The following BNC2 variants were observed in gnomAD, a reference collection of about 807,000 sequenced individuals.
The protein encoded by BNC2 is basonuclin zinc finger protein 2.
In BNC2, 20 loss-of-function variants were observed where a neutral mutation model predicts 76.3. The observed-to-expected ratio is 0.26, with a 90% CI of 0.18 to 0.38. The LOEUF (loss-of-function observed/expected upper bound fraction) is 0.38. Ranked by LOEUF, BNC2 falls within the 10% of genes least tolerant of loss-of-function variation. The probability of loss-of-function intolerance (pLI) is 1.00; values close to 1 mark genes in which losing one functional copy is unlikely to be tolerated. For missense variants in BNC2, 1,382 were observed against 1,399.8 expected, an observed-to-expected ratio of 0.99 and a Z score of 0.20; for synonymous variants, 582 against 514.8, an observed-to-expected ratio of 1.13 and a Z score of -1.77.
intron 4 of BNC2, among the ~76,000 whole-genome samples, chr9:16,575,956 C>T (rs529807967): frequency 6.8e-4 from 104 of 152,324 alleles, no homozygotes; most frequent in African/African-American, 2.4e-3. Flanking sequence ...AGATACTGCA[C>T]CAGCTTCCGC....
At chr9:16,833,484 CAG>C (rs1168374614) in intron 1 of BNC2, among the ~76,000 whole-genome samples, 1 of 152,168 alleles carries the variant, frequency 6.6e-6, no homozygotes, top group African/African-American at 2.4e-5. Context: ...TCATTAGCCT[CAG>C]AGCAGTAATG....
At chr9:16,489,959 A>G (rs1222221980) in intron 5 of BNC2, among the ~76,000 whole-genome samples, 1 of 152,224 alleles carries the variant, frequency 6.6e-6, no homozygotes, top group Non-Finnish European at 1.5e-5. Context: ...CTTCTTACTT[A>G]ACAATACTGT....
intron 5 of BNC2, among the ~76,000 whole-genome samples, chr9:16,519,151 C>T (rs915962896): frequency 9.9e-5 from 15 of 152,152 alleles, no homozygotes; most frequent in Admixed American, 9.8e-4. Context: ...TAAAATATAA[C>T]CCAGTAGTGT....
chr9:16,850,828 T>C (rs1193147598), intron 1 of BNC2, among the ~76,000 whole-genome samples: 2 of 151,250 alleles, frequency 1.3e-5, no homozygotes, highest in Admixed American at 1.3e-4. Flanking sequence ...AAATCAAAAA[T>C]AGAATTATCT....
rs182535283 is a variant in BNC2, at chr9:16,523,278, T to C, written c.669+29252A>G. Reference sequence around the variant, plus strand: ...TGAAGTCAGGAGATGGAGACCATCCTGGCTAACACGATGAAACCCTGTCTC... The same window carrying C: ...TGAAGTCAGGAGATGGAGACCATCCCGGCTAACACGATGAAACCCTGTCTC... On this transcript the variant is annotated intron_variant, in intron 5 of 6. Coordinates refer to ENST00000380672, the MANE Select transcript of BNC2 (RefSeq NM_017637.6). Among the ~76,000 whole-genome samples the C allele has an allele frequency of 5.9e-5, 9 of 151,894 alleles. No homozygotes were observed. The East Asian group carries it at 1.6e-3, about 27-fold the overall frequency.
At chr9:16,794,737 A>G (rs181464793) in intron 1 of BNC2, among the ~76,000 whole-genome samples, 4 of 152,348 alleles carry the variant, frequency 2.6e-5, no homozygotes, top group African/African-American at 9.6e-5. Flanking sequence ...AAGCAAAATT[A>G]ACCATATTAG....
At chr9:16,431,492 G>T (rs755237132) in intron 6 of BNC2, 1 of 469,580 alleles carries the variant, frequency 2.1e-6, no homozygotes, top group Non-Finnish European at 4.4e-6. Flanking sequence ...CTCTTCCTAG[G>T]AAAGATTTCA....
At chr9:16,776,362 A>G (rs1171856098) in intron 1 of BNC2, among the ~76,000 whole-genome samples, 3 of 152,034 alleles carry the variant, frequency 2.0e-5, no homozygotes, top group African/African-American at 7.2e-5. Context: ...CTGGTCTCGA[A>G]CCTCTGAGCT....
At chr9:16,558,373 T>A (rs1248707048) in intron 4 of BNC2, among the ~76,000 whole-genome samples, 1 of 152,220 alleles carries the variant, frequency 6.6e-6, no homozygotes, top group Non-Finnish European at 1.5e-5. Context: ...ATGAAGAAGA[T>A]CTAGGCTGCA....
At chr9:16,502,368 T>A (rs12156570) in intron 5 of BNC2, among the ~76,000 whole-genome samples, 13,497 of 152,174 alleles carry the variant, frequency 0.089, 1,066 homozygotes, top group East Asian at 0.25. Context: ...AAGAAGTTTC[T>A]AAAAAGTTTT....
At chr9:16,487,350 A>G (rs1208689500) in intron 5 of BNC2, among the ~76,000 whole-genome samples, 2 of 152,176 alleles carry the variant, frequency 1.3e-5, no homozygotes, top group African/African-American at 2.4e-5. Flanking sequence ...ATACAACTGC[A>G]CTTAAAAAAT....
intron 6 of BNC2, among the ~76,000 whole-genome samples, chr9:16,425,449 T>G (rs1820786294): frequency 6.6e-6 from 1 of 152,180 alleles, no homozygotes; most frequent in South Asian, 2.1e-4. Flanking sequence ...CAGACAAAAT[T>G]GACAGTCTCA....
intron 3 of BNC2, among the ~76,000 whole-genome samples, chr9:16,592,690 A>T (rs1819965627): frequency 6.6e-6 from 1 of 152,162 alleles, no homozygotes; most frequent in South Asian, 2.1e-4. Context: ...CAAGCTGTTT[A>T]AAACAGGGAA....
intron 5 of BNC2, among the ~76,000 whole-genome samples, chr9:16,531,883 T>C (rs988400384): frequency 2.0e-5 from 3 of 152,112 alleles, no homozygotes; most frequent in South Asian, 2.1e-4. Context: ...AAGCTGCCAA[T>C]AGTAATATAG....
chr9:16,744,133 A>ATTTTTTTTTTTT (rs368807707), intron 1 of BNC2, among the ~76,000 whole-genome samples: 1 of 151,122 alleles, frequency 6.6e-6, no homozygotes, highest in African/African-American at 2.4e-5. Flanking sequence ...CGCCCGGCTA[A>ATTTTTTTTTTTT]TTTTTTTTTG....
At chr9:16,620,971 A>G (rs1820850708) in intron 3 of BNC2, among the ~76,000 whole-genome samples, 1 of 152,130 alleles carries the variant, frequency 6.6e-6, no homozygotes, top group African/African-American at 2.4e-5. Context: ...TCTCTCCTCT[A>G]TCCACAATGT....
intron 3 of BNC2, among the ~76,000 whole-genome samples, chr9:16,633,793 A>G (rs150189523): frequency 0.018 from 2,745 of 152,286 alleles, 40 homozygotes; most frequent in Non-Finnish European, 0.024. Context: ...AGAACCACCC[A>G]AAGAAAACAT....
rs1273741578 is a variant in BNC2, at chr9:16,410,632, C to G, written c.*8357G>C. ...TAATTCACGTTATGCAAACCCTGGA[C>G]AGGGTAGAACACGTTTCCAAAGCAA... On this transcript the variant is annotated 3_prime_UTR_variant, in exon 7 of 7. Transcript: ENST00000380672. 1 of 152,582 alleles carries G rather than the reference C, an allele frequency of 6.6e-6. No individual in the cohort carries two copies. The highest frequency in any genetic ancestry group is 1.9e-4 in the East Asian group (1 of 5,188). The allele number at this position is 152,582 out of a possible 1,614,324, so 9.5% of individuals were successfully genotyped here. A position where few individuals can be genotyped will look rare whatever the true frequency, so the allele number is the denominator to read the frequency against.
intron 4 of BNC2, among the ~76,000 whole-genome samples, chr9:16,558,859 G>T (rs749796532): frequency 6.6e-6 from 1 of 151,370 alleles, no homozygotes; most frequent in Non-Finnish European, 1.5e-5. Flanking sequence ...ACTTGAACCC[G>T]GGAAGCAGAG....
Sources: gnomAD v4.1 joint callset for allele counts (sites outside exome capture counted in the v4.1 genomes callset) on GRCh38, gnomAD v4.1.1 for gene constraint, MANE v1.5 for transcripts, NCBI Gene and HGNC (gene_info 2026-07-23, HGNC 2026-07-21) for gene names.